Variants in CRAMP1 observed in about 807,000 individuals in gnomAD.
The protein encoded by CRAMP1 is protein cramped-like.
CRAMP1 carries 50 observed loss-of-function variants against 115.4 expected under a neutral mutation model. The ratio of observed to expected loss-of-function variants is 0.43; its 90% CI spans 0.35 to 0.55. The LOEUF (loss-of-function observed/expected upper bound fraction) is 0.55. Ranked by LOEUF, CRAMP1 falls within the 20% of genes least tolerant of loss-of-function variation. The pLI, the probability that CRAMP1 is intolerant of heterozygous loss-of-function variation, is 0.01. For missense variants in CRAMP1, 1,679 were observed against 1,721.7 expected (o/e 0.98, Z 0.44); for synonymous variants, 866 against 745.4 (o/e 1.16, Z -2.64).
chr16:1,616,403 G>A lies in CRAMP1; in HGVS notation c.346+1418G>A, dbSNP rs149573563. Among the ~76,000 whole-genome samples, 402 of 152,260 alleles carry A rather than the reference G, an allele frequency of 2.6e-3. 3 individuals are homozygous for A. Among genetic ancestry groups the A allele is most frequent in the Non-Finnish European group, 2.3e-3 (156 of 68,020 alleles). Reference sequence around the variant, plus strand: ...TCTTGGAGATGCTTTTCTGTCGGGTGTCCTCACCTGTGAGGCAAGGAATGA... The same window carrying A: ...TCTTGGAGATGCTTTTCTGTCGGGTATCCTCACCTGTGAGGCAAGGAATGA... On this transcript the variant is annotated intron_variant, in intron 2 of 20. Coordinates refer to ENST00000397412, the MANE Select transcript of CRAMP1 (RefSeq NM_020825.4).
chr16:1,627,572 T>G (rs888050560), intron 3 of CRAMP1, among the ~76,000 whole-genome samples: 1 of 152,148 alleles, frequency 6.6e-6, no homozygotes, highest in African/African-American at 2.4e-5. Flanking sequence ...TTGAGTACGG[T>G]GCATGCTGTG....
At position 1,616,818 on chromosome 16, in the gene CRAMP1, CT is replaced by C. The variant is rs1008931996; in HGVS notation, c.346+1847del. 2.1e-3 allele frequency among the ~76,000 whole-genome samples: 302 copies of C among 144,706 alleles called. 1 individual carries two copies. The highest frequency in any genetic ancestry group is 3.3e-3 in the South Asian group (15 of 4,570). The allele number at this position is 144,706 out of a possible 152,430, so 94.9% of individuals were successfully genotyped here. A position where few individuals can be genotyped will look rare whatever the true frequency, so the allele number is the denominator to read the frequency against. On this transcript the variant is annotated intron_variant, in intron 2 of 20. Transcript: ENST00000397412. Reference sequence around the variant, plus strand: ...ATCCCACTTTAGCAAGCAAATATATCTTTTTTTTTTTTTTGAGACTGAGTCT... The same window carrying C: ...ATCCCACTTTAGCAAGCAAATATATCTTTTTTTTTTTTTGAGACTGAGTCT...
At chr16:1,648,779 C>G (rs2036697769) in intron 6 of CRAMP1, among the ~76,000 whole-genome samples, 1 of 152,056 alleles carries the variant, frequency 6.6e-6, no homozygotes, top group Non-Finnish European at 1.5e-5. Context: ...TTGTCTCAGG[C>G]CGGGCGCGGT....
At position 1,655,820 on chromosome 16, in the gene CRAMP1, G is replaced by A. The variant is rs563894959; in HGVS notation, c.1120-57G>A. 5 of 1,555,704 alleles carry A rather than the reference G, an allele frequency of 3.2e-6. No individual in the cohort carries two copies. The East Asian group carries it at 1.1e-4, about 35-fold the overall frequency. On this transcript the variant is annotated intron_variant, in intron 9 of 20. Transcript: ENST00000397412. Reference sequence around the variant, plus strand: ...GGCTCGTGTCTGTACCCATGTGCCTGGTCAGCATCCCGACCTCAGTGCTAG... The same window carrying A: ...GGCTCGTGTCTGTACCCATGTGCCTAGTCAGCATCCCGACCTCAGTGCTAG...
intron 3 of CRAMP1, among the ~76,000 whole-genome samples, chr16:1,628,452 C>T (rs1055136832): frequency 3.4e-4 from 51 of 152,216 alleles, no homozygotes; most frequent in African/African-American, 1.2e-3. Flanking sequence ...CCGAGTTTCG[C>T]CACGTTGGTC....
intron 18 of CRAMP1, 57 bp downstream of exon 18, chr16:1,668,250 C>A (rs2036893427): frequency 4.9e-6 from 6 of 1,227,812 alleles, no homozygotes; most frequent in Middle Eastern, 1.9e-4. Flanking sequence ...TCTCCTGCCC[C>A]AATGTTTGCC....
At chr16:1,648,325 TG>T (rs2036693803) in intron 6 of CRAMP1, among the ~76,000 whole-genome samples, 1 of 152,146 alleles carries the variant, frequency 6.6e-6, no homozygotes, top group Non-Finnish European at 1.5e-5. Context: ...AGAATTGACT[TG>T]AGCCGGGTAC....
At position 1,671,658 on chromosome 16, in the gene CRAMP1, T is replaced by C. The variant is rs1433410281; in HGVS notation, c.3645+849T>C. On this transcript the variant is annotated intron_variant, in intron 20 of 20. Transcript: ENST00000397412. The surrounding 1 kb of genome is among the most constrained non-coding windows in gnomAD (Gnocchi z 5.0). ...AAGTCCTGGAGCAGCATTCCCCGAA[T>C]CTAGTCCCCACAATGTTGAGACATT... Among the ~76,000 whole-genome samples the C allele has an allele frequency of 6.6e-6, 1 of 152,168 alleles. No individual in the cohort carries two copies. The highest frequency in any genetic ancestry group is 1.5e-5 in the Non-Finnish European group (1 of 68,018).
chr16:1,637,334 G>A (rs1427273249), intron 4 of CRAMP1, among the ~76,000 whole-genome samples: 1 of 152,116 alleles, frequency 6.6e-6, no homozygotes, highest in African/African-American at 2.4e-5. Context: ...TCTTACTGAG[G>A]AAGGAGAATG....
chr16:1,659,856 T>A lies in CRAMP1; in HGVS notation c.2236-30T>A, dbSNP rs763250905. 50 of 1,607,888 alleles carry A rather than the reference T, an allele frequency of 3.1e-5. No homozygotes were observed. The South Asian group carries it at 4.3e-4, about 14-fold the overall frequency. On this transcript the variant is annotated intron_variant, in intron 10 of 20. Transcript: ENST00000397412. ...AGAGCCATTTCTCATGTGCTGAGTT[T>A]GGACATTGTTTGGCCCATTTCTGTC...
intron 4 of CRAMP1, among the ~76,000 whole-genome samples, chr16:1,633,784 A>G (rs971037535): frequency 6.6e-6 from 1 of 152,198 alleles, no homozygotes; most frequent in African/African-American, 2.4e-5. Context: ...TTTGAAAGAC[A>G]GTCCAGGCTG....
At position 1,614,626 on chromosome 16, in the gene CRAMP1, C is replaced by T. The variant is rs961528142; in HGVS notation, c.-1-13C>T. On this transcript the variant is annotated splice_polypyrimidine_tract_variant and intron_variant, in intron 1 of 20. Coordinates refer to ENST00000397412, the MANE Select transcript of CRAMP1 (RefSeq NM_020825.4). This position sits in a 1 kb window ranked among gnomAD's most constrained non-coding sequence, Gnocchi z 4.4. ...GCCCGCCTCACCGGCCGCCTCCCCT[C>T]TCCCGGCCGCAGGATGACAGTGAAG... 5.7e-6 allele frequency: 7 copies of T among 1,236,888 alleles called. No homozygotes were observed. Among genetic ancestry groups the T allele is most frequent in the African/African-American group, 1.6e-5 (1 of 63,710 alleles). The allele number at this position is 1,236,888 out of a possible 1,614,324, so 76.6% of individuals were successfully genotyped here.
chr16:1,619,243 C>G (rs1596481095), intron 2 of CRAMP1, among the ~76,000 whole-genome samples: 2 of 152,212 alleles, frequency 1.3e-5, no homozygotes, highest in African/African-American at 4.8e-5. Flanking sequence ...TGCAGTGCTG[C>G]GATCTCAACT....
At chr16:1,645,880 C>T (rs1304564933) in intron 6 of CRAMP1, among the ~76,000 whole-genome samples, 1 of 149,778 alleles carries the variant, frequency 6.7e-6, no homozygotes, top group Non-Finnish European at 1.5e-5. Flanking sequence ...TGTGTAGCTG[C>T]CACCACTGTC....
intron 13 of CRAMP1, among the ~76,000 whole-genome samples, chr16:1,664,769 A>G (rs2036859437): frequency 1.3e-5 from 2 of 149,998 alleles, no homozygotes; most frequent in African/African-American, 4.9e-5. Context: ...ACAGAGCAAG[A>G]CACCGTCTCA....
chr16:1,617,041 G>A (rs531965100), intron 2 of CRAMP1, among the ~76,000 whole-genome samples: 1 of 151,608 alleles, frequency 6.6e-6, no homozygotes, highest in Non-Finnish European at 1.5e-5. Flanking sequence ...AGCCAGGATG[G>A]TCTCGATCTC....
intron 6 of CRAMP1, among the ~76,000 whole-genome samples, chr16:1,648,337 A>G (rs2036693893): frequency 6.6e-6 from 1 of 152,144 alleles, no homozygotes; most frequent in African/African-American, 2.4e-5. Flanking sequence ...AGCCGGGTAC[A>G]GTGGCTCACG....
intron 14 of CRAMP1, among the ~76,000 whole-genome samples, chr16:1,665,488 A>G (rs556020567): frequency 6.6e-6 from 1 of 152,212 alleles, no homozygotes; most frequent in South Asian, 2.1e-4. Flanking sequence ...TGTATGGATT[A>G]TGCTTCCATC....
Position 1,667,279 on chromosome 16 carries a change from G to A in CRAMP1, c.3037-56G>A, listed in dbSNP as rs1036260418. ...TTCTGGAACTCTGTCGCGGGTGAGG[G>A]TATGGGTGGCATCTGGTGCACCCTG... On this transcript the variant is annotated intron_variant, in intron 16 of 20. Coordinates refer to ENST00000397412, the MANE Select transcript of CRAMP1 (RefSeq NM_020825.4). The A allele has an allele frequency of 2.8e-6, 4 of 1,417,156 alleles. No individual in the cohort carries two copies. In the Admixed American group the frequency reaches 5.0e-5, roughly 18 times the overall value. The allele number at this position is 1,417,156 out of a possible 1,614,324, so 87.8% of individuals were successfully genotyped here. A position where few individuals can be genotyped will look rare whatever the true frequency, so the allele number is the denominator to read the frequency against.
Sources: allele counts gnomAD v4.1 joint callset (sites outside exome capture counted in the v4.1 genomes callset), GRCh38; gene constraint gnomAD v4.1.1; non-coding constraint Gnocchi (gnomAD v3.1); transcripts MANE v1.5; gene names NCBI Gene and HGNC (gene_info 2026-07-23, HGNC 2026-07-21).